ZNF589: variants seen among roughly 807,000 people sequenced by gnomAD.
ZNF589 encodes zinc finger protein 589, also known as KRAB-zinc finger protein SZF1-1.
In ZNF589, 17 loss-of-function variants were observed where a neutral mutation model predicts 13.6. That is an observed-to-expected ratio of 1.25 (90% CI 0.86 to 1.88). The LOEUF is 1.88. Among genes scored for constraint, ZNF589 ranks in the 40% most tolerant of loss-of-function variants. The pLI is 0.00. For missense variants in ZNF589, 407 were observed against 434.0 expected (o/e 0.94, Z 0.55); for synonymous variants, 148 against 161.6 (o/e 0.92, Z 0.64).
chr3:48,249,501 C>T (rs577561287), intron 2 of ZNF589, among the ~76,000 whole-genome samples: 4 of 152,256 alleles, frequency 2.6e-5, no homozygotes, highest in South Asian at 4.1e-4. Flanking sequence ...AATTCAATAT[C>T]GTTTCTGATT....
In ZNF589 at chr3:48,269,160, A is replaced by C. The variant is rs915109735; in HGVS notation, c.*374A>C. ...AGCCTCAAGTCCGCTCTTAGTGTAC[A>C]TCAGAGGATACACTCTGGGGAGAAG... On this transcript the variant is annotated 3_prime_UTR_variant, in exon 4 of 4. Transcript: ENST00000354698. The C allele has an allele frequency of 2.2e-6, 2 of 909,910 alleles. No individual in the cohort carries two copies. The highest frequency in any genetic ancestry group is 1.7e-5 in the African/African-American group (1 of 59,754). The allele number at this position is 909,910 out of a possible 1,614,324, so 56.4% of individuals were successfully genotyped here.
chr3:48,263,764 G>GA (rs1434407567), intron 3 of ZNF589, among the ~76,000 whole-genome samples: 5 of 151,712 alleles, frequency 3.3e-5, no homozygotes, highest in African/African-American at 9.7e-5. Context: ...ATCTTGGAGA[G>GA]AAAAAAAACA....
chr3:48,256,206 T>C (rs1167178277), intron 2 of ZNF589: 2 of 307,594 alleles, frequency 6.5e-6, no homozygotes, highest in Middle Eastern at 2.4e-3. Flanking sequence ...TTCATCCCAC[T>C]GTCCCCTGTC....
Position 48,269,403 on chromosome 3 carries a change from T to C in ZNF589, c.*617T>C. 1.9e-6 allele frequency: 1 copy of C among 533,164 alleles called. No individual in the cohort carries two copies. Among genetic ancestry groups the C allele is most frequent in the Non-Finnish European group, 3.3e-6 (1 of 300,892 alleles). 33.0% of individuals were successfully genotyped at this position (533,164 alleles called of 1,614,324 possible). A position where few individuals can be genotyped will look rare whatever the true frequency, so the allele number is the denominator to read the frequency against. On this transcript the variant is annotated 3_prime_UTR_variant, in exon 4 of 4. Coordinates refer to ENST00000354698, the MANE Select transcript of ZNF589 (RefSeq NM_016089.3). ...CGAGGCTTTTGTGATAAATCAACTCTCCTCGCACACGAGCAGACACATTCA... is the reference window on the plus strand; with the variant it reads ...CGAGGCTTTTGTGATAAATCAACTCCCCTCGCACACGAGCAGACACATTCA...
chr3:48,245,402 G>A (rs1039515120), intron 1 of ZNF589, among the ~76,000 whole-genome samples: 2 of 152,144 alleles, frequency 1.3e-5, no homozygotes, highest in African/African-American at 2.4e-5. Context: ...ATGAGGCACC[G>A]TGCAGAGCCT....
intron 3 of ZNF589, among the ~76,000 whole-genome samples, chr3:48,262,486 C>T (rs538760495): frequency 1.3e-5 from 2 of 152,138 alleles, no homozygotes; most frequent in Admixed American, 6.6e-5. Flanking sequence ...CCACTGTGCC[C>T]GGCTTCACAT....
chr3:48,250,986 A>C (rs1245963487), intron 2 of ZNF589, among the ~76,000 whole-genome samples: 2 of 151,458 alleles, frequency 1.3e-5, no homozygotes, highest in Non-Finnish European at 2.9e-5. Flanking sequence ...CCTGACCTCA[A>C]GGTAACCTCC....
Position 48,269,701 on chromosome 3 carries a change from A to G in ZNF589, c.*915A>G. The G allele has an allele frequency of 2.9e-6, 1 of 340,730 alleles. No individual in the cohort carries two copies. The highest frequency in any genetic ancestry group is 5.8e-6 in the Non-Finnish European group (1 of 173,770). The allele number at this position is 340,730 out of a possible 1,614,324, so 21.1% of individuals were successfully genotyped here. A position where few individuals can be genotyped will look rare whatever the true frequency, so the allele number is the denominator to read the frequency against. On this transcript the variant is annotated 3_prime_UTR_variant, in exon 4 of 4. Coordinates refer to ENST00000354698, the MANE Select transcript of ZNF589 (RefSeq NM_016089.3). ...ACTCGGGGAAAAGCTTTAGAGGTGC[A>G]AGGAGTGAGGATGTGATTTTAGCAA... is the stretch of plus-strand genomic sequence containing the variant.
chr3:48,269,529 C>A lies in ZNF589; in HGVS notation c.*743C>A. The A allele has an allele frequency of 2.8e-6, 1 of 361,916 alleles. No homozygotes were observed. Among genetic ancestry groups the A allele is most frequent in the East Asian group, 6.3e-5 (1 of 15,842 alleles). 22.4% of individuals were successfully genotyped at this position (361,916 alleles called of 1,614,324 possible). Reference sequence around the variant, plus strand: ...ACACACACAGGAGAGAAACCTTACGCATGCATCGAGTGTGGGCGAAACTTT... The same window carrying A: ...ACACACACAGGAGAGAAACCTTACGAATGCATCGAGTGTGGGCGAAACTTT... On this transcript the variant is annotated 3_prime_UTR_variant, in exon 4 of 4. Transcript: ENST00000354698.
intron 2 of ZNF589, among the ~76,000 whole-genome samples, chr3:48,250,027 C>T (rs1328253783): frequency 6.6e-6 from 1 of 151,606 alleles, no homozygotes; most frequent in African/African-American, 2.4e-5. Flanking sequence ...ACTCAGGAGG[C>T]TGAGGCAGGA....
intron 3 of ZNF589, among the ~76,000 whole-genome samples, chr3:48,262,279 T>G (rs2033976213): frequency 6.6e-6 from 1 of 152,164 alleles, no homozygotes; most frequent in Non-Finnish European, 1.5e-5. Context: ...AACCTTTACC[T>G]TCTGGGTTCA....
intron 2 of ZNF589, chr3:48,256,359 C>T (rs930400255): frequency 7.3e-6 from 4 of 544,748 alleles, no homozygotes; most frequent in Admixed American, 6.0e-5. Context: ...AGTGATACAG[C>T]TTCCAAGGTG....
At position 48,260,712 on chromosome 3, in the gene ZNF589, A is replaced by G. The variant is rs1029286514; in HGVS notation, c.97-101A>G. ...GTGTGAGCCACCGTGCCCGGCCTAG[A>G]TCAATTTCTTATGTAGCTAGATGCT... On this transcript the variant is annotated intron_variant, in intron 2 of 3. Coordinates refer to ENST00000354698, the MANE Select transcript of ZNF589 (RefSeq NM_016089.3). 1.5e-5 allele frequency: 24 copies of G among 1,559,386 alleles called. No individual in the cohort carries two copies. The African/African-American group carries it at 3.1e-4, about 20-fold the overall frequency.
In ZNF589 at chr3:48,267,979, C is replaced by T. The variant is rs1473522966; in HGVS notation, c.288C>T (p.Phe96=). ...CTCTGGCCTTTGGCAGTCAGCAGTT[C>T]CTCAGCCAAGATGAGCTACACAATC... is the stretch of plus-strand genomic sequence containing the variant. ...SCPLAFGSQQ[F]LSQDELHNHP... The change falls in exon 4 of 4, where the codon TTC becomes TTT. Residue 96 remains phenylalanine, a synonymous_variant. Transcript: ENST00000354698. 1 of 1,613,802 alleles carries T rather than the reference C, an allele frequency of 6.2e-7. No homozygotes were observed. The highest frequency in any genetic ancestry group is 1.3e-5 in the African/African-American group (1 of 74,930).
intron 2 of ZNF589, among the ~76,000 whole-genome samples, chr3:48,254,810 T>C (rs1294305433): frequency 6.6e-6 from 1 of 152,200 alleles, no homozygotes; most frequent in African/African-American, 2.4e-5. Context: ...GGAAAGCAGA[T>C]GATCTTATAT....
In ZNF589 at chr3:48,268,156, T is replaced by G. The variant is rs2034041471; in HGVS notation, c.465T>G (p.Phe155Leu). 6.2e-6 allele frequency: 10 copies of G among 1,613,694 alleles called. No homozygotes were observed. Among genetic ancestry groups the G allele is most frequent in the Non-Finnish European group, 8.5e-6 (10 of 1,179,788 alleles). ...QRVEGGVRPLFWSTNERGALV... is the reference protein window; with the variant it reads ...QRVEGGVRPLLWSTNERGALV... ...TGGAAGGAGGCGTCAGACCCTTGTTTTGGAGTACAAATGAAAGGGGGGCTT... is the reference window on the plus strand; with the variant it reads ...TGGAAGGAGGCGTCAGACCCTTGTTGTGGAGTACAAATGAAAGGGGGGCTT... The change falls in exon 4 of 4, where the codon TTT becomes TTG. Residue 155 changes from phenylalanine (F) to leucine (L), a missense_variant. Coordinates refer to ENST00000354698, the MANE Select transcript of ZNF589 (RefSeq NM_016089.3).
rs891435661 is a variant in ZNF589, at chr3:48,258,803, G to T, written c.97-2010G>T. On this transcript the variant is annotated intron_variant, in intron 2 of 3. Transcript: ENST00000354698. ...TGTATTGTATAAGTGGCAAAGCTGGGATTTGGACTTGTGCGGTCTGACTCC... is the reference window on the plus strand; with the variant it reads ...TGTATTGTATAAGTGGCAAAGCTGGTATTTGGACTTGTGCGGTCTGACTCC... 2.6e-5 allele frequency among the ~76,000 whole-genome samples: 4 copies of T among 152,148 alleles called. No homozygotes were observed. In the East Asian group the frequency reaches 7.7e-4, roughly 29 times the overall value.
rs147155634 is a variant in ZNF589, at chr3:48,245,676, G to A, written c.44-1949G>A. ...AGATATGGAAGAGAAGGCTGGGCGCGGTGGCTCACGCCTGTAATCCCAGCA... is the reference window on the plus strand; with the variant it reads ...AGATATGGAAGAGAAGGCTGGGCGCAGTGGCTCACGCCTGTAATCCCAGCA... On this transcript the variant is annotated intron_variant, in intron 1 of 3. Transcript: ENST00000354698. Among the ~76,000 whole-genome samples the A allele has an allele frequency of 6.9e-3, 1,047 of 152,286 alleles. 7 individuals are homozygous for A. The highest frequency in any genetic ancestry group is 0.012 in the Admixed American group (188 of 15,302).
At chr3:48,251,294 G>T (rs2033835965) in intron 2 of ZNF589, among the ~76,000 whole-genome samples, 1 of 151,992 alleles carries the variant, frequency 6.6e-6, no homozygotes, top group Middle Eastern at 3.4e-3. Flanking sequence ...CTACTCGGGA[G>T]GCTGAGACAG....
Sources: allele counts gnomAD v4.1 joint callset (sites outside exome capture counted in the v4.1 genomes callset), GRCh38; gene constraint gnomAD v4.1.1; transcripts MANE v1.5; gene names NCBI Gene and HGNC (gene_info 2026-07-23, HGNC 2026-07-21).